STX8: variants seen among roughly 807,000 people sequenced by gnomAD.
STX8 encodes syntaxin-8.
A neutral mutation model predicts 37.5 loss-of-function variants in STX8; 23 were observed. That is an observed-to-expected ratio of 0.61 (90% CI 0.44 to 0.87). STX8 has a LOEUF of 0.87. Among genes scored for constraint, STX8 ranks in the 40% least tolerant of loss-of-function variants. The pLI, the probability that STX8 is intolerant of heterozygous loss-of-function variation, is 0.00. For missense variants in STX8, 313 were observed against 284.7 expected, an observed-to-expected ratio of 1.10 and a Z score of -0.71; for synonymous variants, 115 against 99.1, an observed-to-expected ratio of 1.16 and a Z score of -0.95.
intron 6 of STX8, among the ~76,000 whole-genome samples, chr17:9,446,063 C>T (rs765955623): frequency 1.8e-4 from 28 of 152,076 alleles, no homozygotes; most frequent in Admixed American, 5.2e-4. Flanking sequence ...GTCTCGATCT[C>T]CTGGCCTTGT....
intron 7 of STX8, among the ~76,000 whole-genome samples, chr17:9,312,146 C>T (rs1034794084): frequency 1.4e-5 from 2 of 147,158 alleles, no homozygotes; most frequent in East Asian, 2.1e-4. Flanking sequence ...CGCCCAGCTT[C>T]GTTAAATTCT....
chr17:9,252,609 C>CAAAA (rs60037652), intron 7 of STX8, among the ~76,000 whole-genome samples: 3,941 of 93,856 alleles, frequency 0.042, 193 homozygotes, highest in African/African-American at 0.16. Flanking sequence ...AACTCTGTCT[C>CAAAA]AAAAAAAAAA....
intron 7 of STX8, 131 bp from the exon 8 acceptor site, chr17:9,250,776 A>G: frequency 1.0e-6 from 1 of 974,278 alleles, no homozygotes; most frequent in Non-Finnish European, 1.5e-6. Flanking sequence ...AAGTGGAGAG[A>G]GGTGGTCGGT....
chr17:9,279,257 A>G (rs1907794840), intron 7 of STX8, among the ~76,000 whole-genome samples: 1 of 151,988 alleles, frequency 6.6e-6, no homozygotes, highest in Admixed American at 6.6e-5. Context: ...GGGTTTCACC[A>G]TGTTGGCCAG....
chr17:9,286,316 G>T lies in STX8; in HGVS notation c.644-35671C>A, dbSNP rs61606055. Among the ~76,000 whole-genome samples, 513 of 152,294 alleles carry T rather than the reference G, an allele frequency of 3.4e-3. 4 individuals carry two copies. The highest frequency in any genetic ancestry group is 0.012 in the African/African-American group (482 of 41,552). On this transcript the variant is annotated intron_variant, in intron 7 of 7. Transcript: ENST00000306357. ...GGCCCACACACATACGCCGATCTTT[G>T]ACTTCTAAATATCAGGGCACAACAC... is the stretch of plus-strand genomic sequence containing the variant.
intron 2 of STX8, among the ~76,000 whole-genome samples, chr17:9,563,624 G>C (rs1411438688): frequency 6.6e-6 from 1 of 152,112 alleles, no homozygotes; most frequent in Admixed American, 6.6e-5. Context: ...TGGTTATTTA[G>C]AAGAAGTAGG....
At chr17:9,476,358 G>T (rs1243235494) in intron 6 of STX8, among the ~76,000 whole-genome samples, 1 of 152,172 alleles carries the variant, frequency 6.6e-6, no homozygotes, top group Non-Finnish European at 1.5e-5. Context: ...AAGTACTACA[G>T]ACTAGGGAGC....
intron 2 of STX8, among the ~76,000 whole-genome samples, chr17:9,564,820 C>A (rs766830212): frequency 2.0e-5 from 3 of 152,224 alleles, no homozygotes; most frequent in Non-Finnish European, 4.4e-5. Context: ...TATTAAACTA[C>A]CATTGACATT....
At chr17:9,258,266 A>C (rs1906878042) in intron 7 of STX8, among the ~76,000 whole-genome samples, 1 of 152,268 alleles carries the variant, frequency 6.6e-6, no homozygotes, top group African/African-American at 2.4e-5. Context: ...AAGCAGGAGA[A>C]GAGACAAAAC....
intron 2 of STX8, among the ~76,000 whole-genome samples, chr17:9,562,928 G>A (rs1907302921): frequency 6.6e-6 from 1 of 151,948 alleles, no homozygotes; most frequent in Non-Finnish European, 1.5e-5. Context: ...TTTTTTTAAA[G>A]GACAAGGTTA....
intron 7 of STX8, among the ~76,000 whole-genome samples, chr17:9,256,766 C>T (rs1906812605): frequency 6.6e-6 from 1 of 152,216 alleles, no homozygotes; most frequent in Admixed American, 6.5e-5. Flanking sequence ...AGGGGCGCAG[C>T]CGACCCCCCT....
intron 6 of STX8, among the ~76,000 whole-genome samples, chr17:9,384,601 C>G (rs988380065): frequency 6.6e-6 from 1 of 152,124 alleles, no homozygotes; most frequent in Admixed American, 6.6e-5. Context: ...AAGGCACCCA[C>G]TGCACTCCAG....
intron 6 of STX8, among the ~76,000 whole-genome samples, chr17:9,481,422 C>G (rs1031561395): frequency 1.3e-5 from 2 of 152,128 alleles, no homozygotes; most frequent in Non-Finnish European, 1.5e-5. Context: ...AAAAGGCAAA[C>G]GTACTTAAAT....
intron 7 of STX8, among the ~76,000 whole-genome samples, chr17:9,264,101 G>A (rs909580341): frequency 2.6e-5 from 4 of 152,168 alleles, no homozygotes; most frequent in Non-Finnish European, 5.9e-5. Context: ...GAGACCACAT[G>A]GAAGGACCCT....
At chr17:9,538,919 C>A (rs1445900707) in intron 4 of STX8, among the ~76,000 whole-genome samples, 1 of 151,938 alleles carries the variant, frequency 6.6e-6, no homozygotes, top group Non-Finnish European at 1.5e-5. Flanking sequence ...TTTAGCAATG[C>A]TCTCGAATAT....
At chr17:9,299,589 G>A (rs1216131046) in intron 7 of STX8, among the ~76,000 whole-genome samples, 7 of 151,762 alleles carry the variant, frequency 4.6e-5, no homozygotes, top group South Asian at 2.1e-4. Context: ...GACTACAGGC[G>A]CCCGCCACCA....
chr17:9,473,158 A>T (rs1395666079), intron 6 of STX8, among the ~76,000 whole-genome samples: 1 of 151,810 alleles, frequency 6.6e-6, no homozygotes, highest in Admixed American at 6.6e-5. Flanking sequence ...CTGGGACTAC[A>T]GGTGCCCACC....
chr17:9,504,371 G>A (rs747499330), intron 5 of STX8, among the ~76,000 whole-genome samples: 66 of 151,058 alleles, frequency 4.4e-4, no homozygotes, highest in Middle Eastern at 6.8e-3. Flanking sequence ...CAGGGCAAAA[G>A]ATAAAAAAGA....
At chr17:9,387,769 C>T (rs576866671) in intron 6 of STX8, among the ~76,000 whole-genome samples, 11 of 152,300 alleles carry the variant, frequency 7.2e-5, no homozygotes, top group African/African-American at 2.6e-4. Context: ...ATACAAAATT[C>T]AGGGCTAATA....
Sources: gnomAD v4.1 joint callset for allele counts (sites outside exome capture counted in the v4.1 genomes callset) on GRCh38, gnomAD v4.1.1 for gene constraint, MANE v1.5 for transcripts, NCBI Gene and HGNC (gene_info 2026-07-23, HGNC 2026-07-21) for gene names.